LACTBL1: variants seen among roughly 807,000 people sequenced by gnomAD.
LACTBL1 encodes the protein lactamase beta like 1, also known as beta-lactamase-like protein 1.
LACTBL1 carries 29 observed loss-of-function variants against 39.6 expected under a neutral mutation model. That is an observed-to-expected ratio of 0.73 (90% CI 0.55 to 1.00). The LOEUF is 1.00. Among genes scored for constraint, LACTBL1 ranks in the 50% least tolerant of loss-of-function variants. The pLI is 0.00. For synonymous variants in LACTBL1, 361 were observed against 360.7 expected (o/e 1.00, Z -0.01); for missense variants, 711 against 748.5 (o/e 0.95, Z 0.59).
At chr1:22,962,132 G>A (rs779670635) in intron 2 of LACTBL1, among the ~76,000 whole-genome samples, 1 of 152,114 alleles carries the variant, frequency 6.6e-6, no homozygotes, top group East Asian at 1.9e-4. Context: ...TGGCAATGGC[G>A]CATTCCAGGT....
chr1:22,966,220 A>G (rs770378562), upstream of LACTBL1, among the ~76,000 whole-genome samples: 38 of 152,242 alleles, frequency 2.5e-4, no homozygotes, highest in Non-Finnish European at 4.8e-4. Context: ...TGTGTTAGCT[A>G]TTATTGATTG....
exon 5 of LACTBL1, chr1:22,955,422 C>T (rs1378275579): frequency 2.6e-6 from 4 of 1,548,858 alleles, no homozygotes; most frequent in Non-Finnish European, 3.5e-6. Flanking sequence ...GCCTTCTGGG[C>T]AGCCCTAGGG....
chr1:22,962,139 AG>A (rs1640829094), intron 2 of LACTBL1, among the ~76,000 whole-genome samples: 1 of 152,198 alleles, frequency 6.6e-6, no homozygotes, highest in African/African-American at 2.4e-5. Flanking sequence ...GGCGCATTCC[AG>A]GTGCTCAACA....
chr1:22,953,889 G>C, exon 6 of LACTBL1: 1 of 1,549,894 alleles, frequency 6.5e-7, no homozygotes, highest in Non-Finnish European at 8.7e-7. Context: ...CGTCGGGCGT[G>C]AGGTCAAAGC....
intron 5 of LACTBL1, among the ~76,000 whole-genome samples, chr1:22,954,636 C>A (rs972760239): frequency 6.6e-6 from 1 of 152,210 alleles, no homozygotes; most frequent in African/African-American, 2.4e-5. Context: ...AGATAAAGTG[C>A]ACCACCCAAG....
chr1:22,958,053 A>T (rs1640780254), intron 4 of LACTBL1, among the ~76,000 whole-genome samples: 1 of 152,072 alleles, frequency 6.6e-6, no homozygotes, highest in African/African-American at 2.4e-5. Context: ...TTTGTAGGTG[A>T]CTTTTATATA....
At chr1:22,967,648 G>T (rs6669845), upstream of LACTBL1, among the ~76,000 whole-genome samples, 2,385 of 139,118 alleles carry the variant, frequency 0.017, 55 homozygotes, top group African/African-American at 0.051. Flanking sequence ...TATATATAGA[G>T]AGAGAGAGAG....
chr1:22,953,734 G>GGCCCGCC lies in LACTBL1; in HGVS notation c.943_949dup (p.Pro317ArgfsTer90), dbSNP rs1044587715. The GGCCCGCC allele has an allele frequency of 1.1e-5, 15 of 1,349,636 alleles. No homozygotes were observed. In the African/African-American group the frequency reaches 1.5e-4, roughly 14 times the overall value. The allele number at this position is 1,349,636 out of a possible 1,614,324, so 83.6% of individuals were successfully genotyped here. Reference sequence around the variant, plus strand: ...CGCGTCGGGCCGCAGGAGCCGCCGGGGCCCGCCGCCCAGGAGCGCCACGGC... The same window carrying GGCCCGCC: ...CGCGTCGGGCCGCAGGAGCCGCCGGGGCCCGCCGCCCGCCGCCCAGGAGCGCCACGGC... On this transcript the variant is annotated frameshift_variant, in exon 6 of 6. Coordinates refer to ENST00000426928, the Ensembl canonical transcript of LACTBL1. LOFTEE classifies it high-confidence loss of function.
intron 3 of LACTBL1, among the ~76,000 whole-genome samples, chr1:22,959,530 A>C (rs1157250062): frequency 6.6e-6 from 1 of 152,266 alleles, no homozygotes; most frequent in Non-Finnish European, 1.5e-5. Context: ...GGGAGACTCC[A>C]GATATGCAAC....
intron 4 of LACTBL1, among the ~76,000 whole-genome samples, chr1:22,955,812 C>T (rs1227338292): frequency 6.6e-6 from 1 of 152,170 alleles, no homozygotes; most frequent in Non-Finnish European, 1.5e-5. Flanking sequence ...CCTGTAATCC[C>T]AGCACTTTGG....
the LACTBL1 span, chr1:22,972,447 G>C: frequency 6.1e-6 from 6 of 985,144 alleles, no homozygotes; most frequent in South Asian, 2.8e-4. Context: ...AAAAGAGGAG[G>C]GGGACAGAGA....
chr1:22,954,281 G>A (rs1360387769), intron 5 of LACTBL1, among the ~76,000 whole-genome samples: 3 of 152,298 alleles, frequency 2.0e-5, no homozygotes, highest in African/African-American at 7.2e-5. Context: ...GCTCAGCGGT[G>A]CACCTGGGAA....
upstream of LACTBL1, among the ~76,000 whole-genome samples, chr1:22,969,261 GT>G (rs1484390163): frequency 6.6e-6 from 1 of 152,102 alleles, no homozygotes; most frequent in Non-Finnish European, 1.5e-5. Flanking sequence ...AGAATTTTTG[GT>G]TATAGAATAA....
At chr1:22,958,495 G>A (rs868545095) in intron 4 of LACTBL1, among the ~76,000 whole-genome samples, 190 bp downstream of exon 6, 1 of 152,186 alleles carries the variant, frequency 6.6e-6, no homozygotes. Flanking sequence ...AAATTTCCAG[G>A]CTTCAGTTCA....
chr1:22,958,144 TC>T (rs1640781145), intron 4 of LACTBL1, among the ~76,000 whole-genome samples: 1 of 152,204 alleles, frequency 6.6e-6, no homozygotes, highest in Non-Finnish European at 1.5e-5. Flanking sequence ...TCTTACTATG[TC>T]ATTAATCATA....
chr1:22,968,650 A>G (rs1640908010), upstream of LACTBL1, among the ~76,000 whole-genome samples: 1 of 152,186 alleles, frequency 6.6e-6, no homozygotes, highest in Non-Finnish European at 1.5e-5. Flanking sequence ...GAGAGACAGA[A>G]TAGTGTAGTG....
At chr1:22,963,324 C>G (rs940169304) in intron 1 of LACTBL1, 108 bp from the exon 4 acceptor site, 11 of 537,484 alleles carry the variant, frequency 2.0e-5, no homozygotes, top group African/African-American at 4.0e-5. Flanking sequence ...CCCTCCCCAG[C>G]CGAGCCGAGC....
At chr1:22,958,400 G>T (rs1453641371) in intron 4 of LACTBL1, among the ~76,000 whole-genome samples, 2 of 152,218 alleles carry the variant, frequency 1.3e-5, no homozygotes, top group Non-Finnish European at 2.9e-5. Context: ...TTGACTCGTT[G>T]ACTTGCTCTT....
At chr1:22,963,321 C>T (rs1640845539) in intron 1 of LACTBL1, 105 bp from the exon 4 acceptor site, 2 of 572,220 alleles carry the variant, frequency 3.5e-6, no homozygotes, top group African/African-American at 2.0e-5. Context: ...CAGCCCTCCC[C>T]AGCCGAGCCG....
Sources: allele counts gnomAD v4.1 joint callset (sites outside exome capture counted in the v4.1 genomes callset), GRCh38; gene constraint gnomAD v4.1.1; transcripts MANE v1.5; gene names NCBI Gene and HGNC (gene_info 2026-07-23, HGNC 2026-07-21).